Variants in EML5 observed in about 807,000 individuals in gnomAD.
EML5 encodes EMAP like 5, also known as echinoderm microtubule-associated protein-like 5.
EML5 carries 120 observed loss-of-function variants against 250.0 expected under a neutral mutation model. The ratio of observed to expected loss-of-function variants is 0.48; its 90% CI spans 0.41 to 0.56. The LOEUF (loss-of-function observed/expected upper bound fraction) is 0.56, where lower values mean the gene tolerates loss of function less well. Ranked by LOEUF, EML5 falls within the 20% of genes least tolerant of loss-of-function variation. EML5 has a pLI of 0.00. For synonymous variants in EML5, 771 were observed against 806.5 expected (o/e 0.96, Z 0.75); for missense variants, 2,006 against 2,437.6 (o/e 0.82, Z 3.73).
At chr14:88,640,316 C>T (rs2090991401) in intron 31 of EML5, among the ~76,000 whole-genome samples, 2 of 152,280 alleles carry the variant, frequency 1.3e-5, no homozygotes, top group South Asian at 4.1e-4. Context: ...TAAAGCAAGT[C>T]TCAATAAATT....
intron 2 of EML5, among the ~76,000 whole-genome samples, chr14:88,752,838 T>C (rs1226258903): frequency 6.6e-6 from 1 of 152,130 alleles, no homozygotes; most frequent in Non-Finnish European, 1.5e-5. Flanking sequence ...AGAAGAGAAG[T>C]GTCTGCATAT....
intron 8 of EML5, among the ~76,000 whole-genome samples, chr14:88,717,649 G>A (rs1023899214): frequency 1.4e-4 from 22 of 152,300 alleles, no homozygotes; most frequent in African/African-American, 5.1e-4. Context: ...CAGCTACTCA[G>A]GAGGCTGAGG....
rs1435746713 is a variant in EML5 at position 88,616,245 on chromosome 14, A to G, written c.5797-3T>C. On this transcript the variant is annotated splice_region_variant and splice_polypyrimidine_tract_variant and intron_variant, in intron 42 of 43. Coordinates refer to ENST00000554922, the MANE Select transcript of EML5 (RefSeq NM_183387.3). ...CCCAAGAACCTTTTGTGTTTTGCCT[A>G]AAAAACAATGACAGACAAGCTCAGG... is the stretch of plus-strand genomic sequence containing the variant. 6.2e-6 allele frequency: 10 copies of G among 1,613,502 alleles called. No homozygotes were observed. Among genetic ancestry groups the G allele is most frequent in the Non-Finnish European group, 8.5e-6 (10 of 1,179,490 alleles).
Position 88,704,992 on chromosome 14 carries a change from T to C in EML5, c.1933-14A>G, listed in dbSNP as rs560133468. 7.8e-6 allele frequency: 12 copies of C among 1,543,016 alleles called. No homozygotes were observed. In the African/African-American group the frequency reaches 1.1e-4, roughly 14 times the overall value. On this transcript the variant is annotated splice_polypyrimidine_tract_variant and intron_variant, in intron 12 of 43. Coordinates refer to ENST00000554922, the MANE Select transcript of EML5 (RefSeq NM_183387.3). ...TTCTTTGTAAACCTTTAAAAATGTA[T>C]ACAAGTAGAAATATTCTTAGAATAT...
At chr14:88,755,260 CAA>C (rs2094144740) in intron 1 of EML5, among the ~76,000 whole-genome samples, 1 of 152,212 alleles carries the variant, frequency 6.6e-6, no homozygotes, top group Non-Finnish European at 1.5e-5. Context: ...AGAACTCTCA[CAA>C]GAGAGCAATT....
chr14:88,739,689 A>G (rs1002113143), intron 5 of EML5, among the ~76,000 whole-genome samples: 1 of 152,196 alleles, frequency 6.6e-6, no homozygotes, highest in African/African-American at 2.4e-5. Flanking sequence ...AGATGTAATA[A>G]GCAAAGACAA....
intron 1 of EML5, among the ~76,000 whole-genome samples, chr14:88,768,622 G>C (rs963689780): frequency 2.6e-5 from 4 of 152,096 alleles, no homozygotes; most frequent in African/African-American, 9.7e-5. Context: ...ATGTTGGTCA[G>C]GCTGGTCTCG....
intron 1 of EML5, among the ~76,000 whole-genome samples, chr14:88,788,989 AG>A (rs1304510372): frequency 1.3e-5 from 2 of 151,876 alleles, no homozygotes; most frequent in Non-Finnish European, 2.9e-5. Flanking sequence ...CCTGAGCCCA[AG>A]ATTTCAAAGA....
At chr14:88,720,556 C>T (rs1190099989) in intron 8 of EML5, among the ~76,000 whole-genome samples, 2 of 152,050 alleles carry the variant, frequency 1.3e-5, no homozygotes, top group Admixed American at 6.6e-5. Flanking sequence ...GTGCAGAAAA[C>T]GCCTTTGATA....
chr14:88,765,273 C>T (rs1251159704), intron 1 of EML5, among the ~76,000 whole-genome samples: 1 of 152,152 alleles, frequency 6.6e-6, no homozygotes. Context: ...AACTAAATTA[C>T]TTTCTAGAGT....
chr14:88,614,203 A>AT lies in EML5; in HGVS notation c.*1614dup, dbSNP rs1343977785. ...CTTTTTATGGGCAGGTTGTTCAGGG[A>AT]TTTTTTTCCTCCTTTAATTTATTGA... is the stretch of plus-strand genomic sequence containing the variant. On this transcript the variant is annotated 3_prime_UTR_variant, in exon 44 of 44. Coordinates refer to ENST00000554922, the MANE Select transcript of EML5 (RefSeq NM_183387.3). 2 of 152,094 alleles carry AT rather than the reference A, an allele frequency of 1.3e-5. No individual in the cohort carries two copies. Among genetic ancestry groups the AT allele is most frequent in the Non-Finnish European group, 2.9e-5 (2 of 68,002 alleles). 9.4% of individuals were successfully genotyped at this position (152,094 alleles called of 1,614,324 possible).
intron 1 of EML5, among the ~76,000 whole-genome samples, chr14:88,759,759 A>T (rs72697946): frequency 9.9e-5 from 15 of 151,790 alleles, no homozygotes; most frequent in Admixed American, 5.9e-4. Context: ...TCTTCATACA[A>T]TAGAACAGAG....
chr14:88,616,429 A>G (rs1442315194), intron 42 of EML5, 187 bp from the exon 43 acceptor site: 2 of 639,766 alleles, frequency 3.1e-6, no homozygotes, highest in Admixed American at 2.9e-5. Context: ...GGGCAGTCAG[A>G]TGTCTCCAGG....
At chr14:88,683,158 C>T in intron 20 of EML5, among the ~76,000 whole-genome samples, 2 of 152,226 alleles carry the variant, frequency 1.3e-5, no homozygotes, top group Non-Finnish European at 2.9e-5. Context: ...TGTAAAAAAT[C>T]TAATAAAAAG....
intron 36 of EML5, chr14:88,623,420 T>G (rs989679551): frequency 6.6e-6 from 1 of 151,474 alleles, no homozygotes; most frequent in Non-Finnish European, 1.5e-5. Context: ...TGCTACAGAG[T>G]TGATTTATTT....
chr14:88,657,520 G>T lies in EML5; in HGVS notation c.3878-18C>A. The T allele has an allele frequency of 6.3e-7, 1 of 1,575,324 alleles. No homozygotes were observed. Among genetic ancestry groups the T allele is most frequent in the South Asian group, 1.2e-5 (1 of 83,054 alleles). On this transcript the variant is annotated intron_variant, in intron 26 of 43. Transcript: ENST00000554922. Reference sequence around the variant, plus strand: ...GTCATAGCCTACAATAAAAATATACGAGTAATTCTTTAAGCAATAACTGAG... The same window carrying T: ...GTCATAGCCTACAATAAAAATATACTAGTAATTCTTTAAGCAATAACTGAG...
intron 38 of EML5, 75 bp downstream of exon 38, chr14:88,621,038 G>A (rs2088822242): frequency 3.3e-6 from 5 of 1,500,098 alleles, no homozygotes; most frequent in Non-Finnish European, 4.4e-6. Flanking sequence ...AGTTCTTTAA[G>A]TACTAGCAAT....
intron 2 of EML5, among the ~76,000 whole-genome samples, chr14:88,749,919 T>G (rs555059450): frequency 2.6e-5 from 4 of 152,250 alleles, no homozygotes; most frequent in African/African-American, 9.6e-5. Flanking sequence ...TGAAAAGTAC[T>G]GGTTTAGAGC....
chr14:88,685,615 A>T (rs554660801), intron 19 of EML5, among the ~76,000 whole-genome samples: 1 of 151,840 alleles, frequency 6.6e-6, no homozygotes, highest in Non-Finnish European at 1.5e-5. Flanking sequence ...ACATCATTCC[A>T]TATATTTTTT....
Sources: allele counts gnomAD v4.1 joint callset (sites outside exome capture counted in the v4.1 genomes callset), GRCh38; gene constraint gnomAD v4.1.1; transcripts MANE v1.5; gene names NCBI Gene and HGNC (gene_info 2026-07-23, HGNC 2026-07-21).